The following VPS39 variants were observed in gnomAD, a reference collection of about 807,000 sequenced individuals.
VPS39 encodes vam6/Vps39-like protein.
Under a neutral mutation model 121.0 loss-of-function variants are expected in VPS39, and 70 were observed. That is an observed-to-expected ratio of 0.58 (90% CI 0.48 to 0.71). The LOEUF (loss-of-function observed/expected upper bound fraction) is 0.71. Ranked by LOEUF, VPS39 falls within the 30% of genes least tolerant of loss-of-function variation. The pLI is 0.00. For synonymous variants in VPS39, 378 were observed against 398.1 expected (o/e 0.95, Z 0.60); for missense variants, 818 against 1,051.5 (o/e 0.78, Z 3.07).
In VPS39 at chr15:42,184,545, C is replaced by T. The variant is rs117049620; in HGVS notation, c.690G>A (p.Leu230=). ...EEGICTQKCA[L]NWTDIPVAME... ...TGGCCACTGGTATGTCCGTCCAGTT[C>T]AGGGCACATTTCTGTGTGCAGATCC... The change falls in exon 8 of 25, where the codon CTG becomes CTA. Residue 230 remains leucine, a synonymous_variant. Coordinates refer to ENST00000318006, the MANE Select transcript of VPS39 (RefSeq NM_015289.5). 1.9e-4 allele frequency: 308 copies of T among 1,612,820 alleles called. No individual in the cohort carries two copies. Among genetic ancestry groups the T allele is most frequent in the Non-Finnish European group, 2.5e-4 (293 of 1,179,646 alleles).
intron 12 of VPS39, among the ~76,000 whole-genome samples, chr15:42,167,964 C>G (rs1595645179): frequency 6.6e-6 from 1 of 152,296 alleles, no homozygotes; most frequent in Admixed American, 6.5e-5. Flanking sequence ...AGTGTACCAT[C>G]AGATACATTT....
intron 11 of VPS39, among the ~76,000 whole-genome samples, chr15:42,170,070 C>T (rs1162689645): frequency 1.3e-5 from 2 of 151,528 alleles, no homozygotes; most frequent in Non-Finnish European, 2.9e-5. Flanking sequence ...TAAAACATCA[C>T]AAAAATGCCT....
At chr15:42,192,133 T>G in intron 2 of VPS39, 1 of 1,535,464 alleles carries the variant, frequency 6.5e-7, no homozygotes, top group Non-Finnish European at 8.7e-7. Context: ...TTATATACCA[T>G]AAAAACATGT....
At chr15:42,189,302 G>A (rs905648024) in intron 4 of VPS39, 94 bp from the exon 5 acceptor site, 8 of 933,780 alleles carry the variant, frequency 8.6e-6, no homozygotes, top group South Asian at 1.4e-5. Flanking sequence ...TTAACATCTA[G>A]AAGAAGCAAA....
chr15:42,191,218 A>C, intron 3 of VPS39, 51 bp from the exon 4 acceptor site: 1 of 1,600,526 alleles, frequency 6.2e-7, no homozygotes. Flanking sequence ...GACAAGGTTT[A>C]GCAAATGTTC....
chr15:42,164,774 G>T, intron 18 of VPS39: 2 of 1,428,984 alleles, frequency 1.4e-6, no homozygotes, highest in Non-Finnish European at 1.8e-6. Flanking sequence ...CACCCTCCCC[G>T]AGGGATGACT....
At position 42,162,128 on chromosome 15, in the gene VPS39, G is replaced by A; in HGVS notation, c.2364C>T (p.Asp788=). ...NLLPANTQIN[D]IRIFLEKVLE... ...AGACCTTTTCCAGGAAGATGCGTATGTCATTGATCTGAGTGTTTGCTGGCA... is the reference window on the plus strand; with the variant it reads ...AGACCTTTTCCAGGAAGATGCGTATATCATTGATCTGAGTGTTTGCTGGCA... Residue 788 remains aspartate (D), a synonymous_variant, in exon 23 of 25, where the codon GAC becomes GAT. Coordinates refer to ENST00000318006, the MANE Select transcript of VPS39 (RefSeq NM_015289.5). 1 of 1,614,222 alleles carries A rather than the reference G, an allele frequency of 6.2e-7. No homozygotes were observed. The highest frequency in any genetic ancestry group is 8.5e-7 in the Non-Finnish European group (1 of 1,180,050).
intron 8 of VPS39, chr15:42,184,282 A>G: frequency 2.9e-6 from 1 of 349,900 alleles, no homozygotes. Context: ...ACTTCCTAAA[A>G]TAAACATTTC....
chr15:42,188,107 C>T (rs2049742818), intron 5 of VPS39, among the ~76,000 whole-genome samples: 1 of 152,176 alleles, frequency 6.6e-6, no homozygotes, highest in Non-Finnish European at 1.5e-5. Context: ...TGGACATTCA[C>T]AATTCAGAGG....
chr15:42,178,670 A>C, intron 8 of VPS39, 100 bp from the exon 9 acceptor site: 1 of 1,503,236 alleles, frequency 6.7e-7, no homozygotes, highest in Non-Finnish European at 9.1e-7. Flanking sequence ...ATGGATCTCC[A>C]AAAAGTCCCC....
At chr15:42,194,261 G>A (rs747723321) in intron 2 of VPS39, among the ~76,000 whole-genome samples, 8 of 139,140 alleles carry the variant, frequency 5.7e-5, no homozygotes, top group Non-Finnish European at 1.3e-4. Context: ...ATCACCTGAG[G>A]TCAGGAGTTA....
At chr15:42,171,944 C>A (rs1319470723) in intron 11 of VPS39, among the ~76,000 whole-genome samples, 1 of 152,132 alleles carries the variant, frequency 6.6e-6, no homozygotes, top group Non-Finnish European at 1.5e-5. Context: ...TCTTTCTCCA[C>A]CCCTAGTAGA....
intron 8 of VPS39, among the ~76,000 whole-genome samples, chr15:42,181,769 G>T (rs1340485590): frequency 2.6e-5 from 4 of 151,928 alleles, no homozygotes; most frequent in Non-Finnish European, 4.4e-5. Flanking sequence ...GCAGTGAGTG[G>T]TGTGATCACG....
At chr15:42,206,453 T>C (rs1008564801) in intron 1 of VPS39, among the ~76,000 whole-genome samples, 5 of 152,190 alleles carry the variant, frequency 3.3e-5, no homozygotes, top group Non-Finnish European at 5.9e-5. Context: ...AAGCTACCTA[T>C]TGTTTCAAAA....
chr15:42,177,983 C>G (rs934675008), intron 10 of VPS39, among the ~76,000 whole-genome samples: 1 of 152,182 alleles, frequency 6.6e-6, no homozygotes, highest in Non-Finnish European at 1.5e-5. Context: ...CTTAATTCTA[C>G]AAGGTACTAT....
At chr15:42,178,082 A>G (rs530644995) in intron 10 of VPS39, 136 bp downstream of exon 10, 7 of 1,149,508 alleles carry the variant, frequency 6.1e-6, no homozygotes, top group Middle Eastern at 4.3e-4. Flanking sequence ...CGGTGGAGTC[A>G]GACCTAGTAT....
At chr15:42,180,845 T>C (rs780159031) in intron 8 of VPS39, among the ~76,000 whole-genome samples, 4 of 152,206 alleles carry the variant, frequency 2.6e-5, no homozygotes, top group Non-Finnish European at 5.9e-5. Context: ...TTAGGATGGC[T>C]ACTATTAAAA....
intron 2 of VPS39, among the ~76,000 whole-genome samples, chr15:42,197,362 AG>A (rs2049964023): frequency 6.6e-6 from 1 of 151,352 alleles, no homozygotes; most frequent in Non-Finnish European, 1.5e-5. Flanking sequence ...AAAAAAAAAA[AG>A]AAAAAATCTA....
In VPS39 at chr15:42,162,278, C is replaced by T. The variant is rs918642131; in HGVS notation, c.2325+54G>A. 7.5e-6 allele frequency: 12 copies of T among 1,596,072 alleles called. No individual in the cohort carries two copies. In the African/African-American group the frequency reaches 1.5e-4, roughly 20 times the overall value. ...CTAGTCCCTTTCCACATTTCCTCTT[C>T]TCATTCGGTGCTCCCTGCAAACACC... is the stretch of plus-strand genomic sequence containing the variant. On this transcript the variant is annotated intron_variant, in intron 22 of 24. Transcript: ENST00000318006.
Sources: allele counts gnomAD v4.1 joint callset (sites outside exome capture counted in the v4.1 genomes callset), GRCh38; gene constraint gnomAD v4.1.1; transcripts MANE v1.5; gene names NCBI Gene and HGNC (gene_info 2026-07-23, HGNC 2026-07-21).